The following PLCB1 variants were observed in gnomAD, a reference collection of about 807,000 sequenced individuals.
The protein encoded by PLCB1 is phospholipase C beta 1, also known as 1-phosphatidylinositol 4,5-bisphosphate phosphodiesterase beta-1.
A neutral mutation model predicts 161.8 loss-of-function variants in PLCB1; 46 were observed. That is an observed-to-expected ratio of 0.28 (90% CI 0.22 to 0.36). PLCB1 has a LOEUF of 0.36. PLCB1 is among the 10% of genes least tolerant of loss of function. The probability of loss-of-function intolerance (pLI) is 1.00; values close to 1 mark genes in which losing one functional copy is unlikely to be tolerated. For synonymous variants in PLCB1, 517 were observed against 503.7 expected (o/e 1.03, Z -0.35); for missense variants, 1,016 against 1,472.5 (o/e 0.69, Z 5.07).
intron 2 of PLCB1, among the ~76,000 whole-genome samples, chr20:8,270,563 T>C (rs973570877): frequency 1.2e-4 from 19 of 152,164 alleles, no homozygotes; most frequent in African/African-American, 4.6e-4. Flanking sequence ...GAGGAGAAAC[T>C]ATATGTGCTT....
intron 12 of PLCB1, among the ~76,000 whole-genome samples, chr20:8,714,944 TA>T (rs11476867): frequency 0.1 from 14,838 of 147,184 alleles, 1,052 homozygotes; most frequent in East Asian, 0.33. Flanking sequence ...CTAACCCCAG[TA>T]AAAAAAAAAA....
intron 19 of PLCB1, among the ~76,000 whole-genome samples, chr20:8,734,129 C>G (rs868050971): frequency 2.4e-5 from 1 of 41,686 alleles, no homozygotes; most frequent in Non-Finnish European, 4.2e-5. Context: ...GAGCGAGACT[C>G]TGTCTCAAAA....
chr20:8,690,796 A>G (rs1990459366), intron 10 of PLCB1, among the ~76,000 whole-genome samples: 1 of 152,216 alleles, frequency 6.6e-6, no homozygotes, highest in Non-Finnish European at 1.5e-5. Flanking sequence ...TTTTAAAATC[A>G]AACTATATAC....
At chr20:8,501,430 T>C (rs542663914) in intron 3 of PLCB1, among the ~76,000 whole-genome samples, 15 of 152,316 alleles carry the variant, frequency 9.8e-5, no homozygotes, top group Admixed American at 3.9e-4. Context: ...GCCCTTTTCA[T>C]TGAAAGCAGT....
At chr20:8,278,794 CA>C (rs1982724714) in intron 2 of PLCB1, among the ~76,000 whole-genome samples, 1 of 151,972 alleles carries the variant, frequency 6.6e-6, no homozygotes, top group Non-Finnish European at 1.5e-5. Context: ...GGTGAACATA[CA>C]CGTGTGTTAT....
At chr20:8,306,732 T>A (rs1984152505) in intron 2 of PLCB1, among the ~76,000 whole-genome samples, 1 of 152,166 alleles carries the variant, frequency 6.6e-6, no homozygotes, top group African/African-American at 2.4e-5. Flanking sequence ...TTTTACCCAA[T>A]TTTTTTGTTC....
intron 3 of PLCB1, among the ~76,000 whole-genome samples, chr20:8,550,714 T>G (rs1444443727): frequency 2.0e-5 from 3 of 152,200 alleles, no homozygotes; most frequent in Non-Finnish European, 4.4e-5. Context: ...TTTAAACCAG[T>G]TAGTTGCTTT....
chr20:8,263,623 T>C (rs888540609), intron 2 of PLCB1, among the ~76,000 whole-genome samples: 2 of 152,204 alleles, frequency 1.3e-5, no homozygotes, highest in Non-Finnish European at 2.9e-5. Flanking sequence ...ACCTAAAATA[T>C]ATGGCATAGC....
intron 3 of PLCB1, among the ~76,000 whole-genome samples, chr20:8,627,806 A>G (rs1988403392): frequency 6.6e-6 from 1 of 152,232 alleles, no homozygotes; most frequent in Non-Finnish European, 1.5e-5. Context: ...GCTCACGCTA[A>G]TTCTGTGTCT....
chr20:8,767,981 G>A (rs1982442397), intron 26 of PLCB1, among the ~76,000 whole-genome samples: 1 of 151,998 alleles, frequency 6.6e-6, no homozygotes, highest in African/African-American at 2.4e-5. Flanking sequence ...ACCAGCCTGG[G>A]CAACATGGTG....
At chr20:8,611,992 T>C (rs183886096) in intron 3 of PLCB1, among the ~76,000 whole-genome samples, 7 of 152,218 alleles carry the variant, frequency 4.6e-5, no homozygotes, top group Admixed American at 1.3e-4. Flanking sequence ...CCTCAAGTTT[T>C]CTCTGTTGAA....
At chr20:8,345,512 T>A (rs544023290) in intron 2 of PLCB1, among the ~76,000 whole-genome samples, 2 of 152,318 alleles carry the variant, frequency 1.3e-5, no homozygotes, top group East Asian at 3.9e-4. Flanking sequence ...CGTAGTTGCC[T>A]GGCCAAACCC....
chr20:8,787,367 C>CG (rs1983540298), intron 27 of PLCB1, among the ~76,000 whole-genome samples: 2 of 152,154 alleles, frequency 1.3e-5, no homozygotes, highest in Non-Finnish European at 2.9e-5. Context: ...GCAGTTTTTC[C>CG]GGGGACTCCC....
intron 3 of PLCB1, among the ~76,000 whole-genome samples, chr20:8,537,120 A>G (rs1435639672): frequency 2.0e-5 from 3 of 152,212 alleles, no homozygotes; most frequent in Admixed American, 1.3e-4. Context: ...ACTGAGGGGC[A>G]TAAGGCAGAA....
chr20:8,630,684 T>C (rs911483163), intron 4 of PLCB1, among the ~76,000 whole-genome samples: 1 of 152,230 alleles, frequency 6.6e-6, no homozygotes, highest in Non-Finnish European at 1.5e-5. Context: ...AAATGAACTA[T>C]ATTCCTTTTA....
At chr20:8,332,312 T>C (rs1216800898) in intron 2 of PLCB1, among the ~76,000 whole-genome samples, 1 of 152,188 alleles carries the variant, frequency 6.6e-6, no homozygotes, top group Non-Finnish European at 1.5e-5. Context: ...TTGAGCAAAT[T>C]TGCCAAAGTC....
rs6055729 is a variant in PLCB1, at chr20:8,310,539, G to A, written c.178-60843G>A. Among the ~76,000 whole-genome samples, 756 of 152,258 alleles carry A rather than the reference G, an allele frequency of 5.0e-3. 6 individuals are homozygous for A. Among genetic ancestry groups the A allele is most frequent in the African/African-American group, 0.017 (721 of 41,538 alleles). On this transcript the variant is annotated intron_variant, in intron 2 of 31. Transcript: ENST00000338037. The stretch of plus-strand genomic sequence containing the variant: ...TGGGACAGGGATGGCCTGGAAAGGG[G>A]TATTTGGGGGCTGTCTAGGGTGATG...
chr20:8,807,946 T>C (rs1399247306), intron 31 of PLCB1, among the ~76,000 whole-genome samples: 1 of 152,160 alleles, frequency 6.6e-6, no homozygotes, highest in African/African-American at 2.4e-5. Context: ...ATGTTCATCA[T>C]TATAAAAGAG....
intron 2 of PLCB1, among the ~76,000 whole-genome samples, chr20:8,327,907 TACAC>T (rs57589121): frequency 6.6e-6 from 1 of 151,454 alleles, no homozygotes; most frequent in Non-Finnish European, 1.5e-5. Context: ...TATATATATA[TACAC>T]ACACACAAAT....
Sources: allele counts gnomAD v4.1 joint callset (sites outside exome capture counted in the v4.1 genomes callset), GRCh38; gene constraint gnomAD v4.1.1; transcripts MANE v1.5; gene names NCBI Gene and HGNC (gene_info 2026-07-23, HGNC 2026-07-21).